The following LMNA variants were observed in gnomAD, a reference collection of about 807,000 sequenced individuals.
LMNA encodes lamin.
In LMNA, 20 loss-of-function variants were observed where a neutral mutation model predicts 70.4. The observed-to-expected ratio is 0.28, with a 90% CI of 0.20 to 0.41. The LOEUF is 0.41. LMNA is among the 10% of genes least tolerant of loss of function. LMNA has a pLI of 1.00. For synonymous variants in LMNA, 339 were observed against 372.8 expected (o/e 0.91, Z 1.04); for missense variants, 652 against 917.2 (o/e 0.71, Z 3.73).
chr1:156,089,127 G>T (rs1342860554), intron 2 of LMNA, among the ~76,000 whole-genome samples: 1 of 152,010 alleles, frequency 6.6e-6, no homozygotes, highest in Middle Eastern at 3.4e-3. Context: ...ACAGGCATGC[G>T]CACCCTGCCT....
chr1:156,126,662 ACT>A (rs1324518996), intron 1 of LMNA: 12 of 1,396,036 alleles, frequency 8.6e-6, no homozygotes, highest in Admixed American at 1.9e-5. Flanking sequence ...GCAAGTGCCA[ACT>A]CTCATTTCTA....
chr1:156,131,350 G>A (rs771072566), intron 2 of LMNA, among the ~76,000 whole-genome samples: 3 of 152,110 alleles, frequency 2.0e-5, no homozygotes, highest in Non-Finnish European at 4.4e-5. Flanking sequence ...CATTTTGGGA[G>A]GCCAAGGAGG....
rs750465247 is a variant in LMNA, at chr1:156,137,273, C to T, written c.1608+41C>T. On this transcript the variant is annotated intron_variant, in intron 9 of 11. Transcript: ENST00000368300. The surrounding 1 kb of genome is among the most constrained non-coding windows in gnomAD (Gnocchi z 4.6). Reference sequence around the variant, plus strand: ...CCTGGCTGCTTGCTGGACGAGGCTCCCCCTGATGGCCAACATCGGAGCCAG... The same window carrying T: ...CCTGGCTGCTTGCTGGACGAGGCTCTCCCTGATGGCCAACATCGGAGCCAG... The T allele has an allele frequency of 3.9e-6, 6 of 1,541,574 alleles. No homozygotes were observed. Among genetic ancestry groups the T allele is most frequent in the East Asian group, 2.4e-5 (1 of 41,314 alleles).
chr1:156,126,450 A>G, intron 1 of LMNA: 1 of 619,930 alleles, frequency 1.6e-6, no homozygotes, highest in South Asian at 1.9e-5. Context: ...CCTGGCTTCC[A>G]TATCTGGCAT....
At chr1:156,130,436 G>A (rs1003319783) in intron 1 of LMNA, among the ~76,000 whole-genome samples, 181 bp from the exon 2 acceptor site, 1 of 149,744 alleles carries the variant, frequency 6.7e-6, no homozygotes, top group African/African-American at 2.5e-5. Flanking sequence ...CAAGGACCTT[G>A]GGGAGGTGGG....
chr1:156,139,482 C>T lies in LMNA; in HGVS notation c.*376C>T. On this transcript the variant is annotated 3_prime_UTR_variant, in exon 12 of 12. Transcript: ENST00000368300. ...TCTGCTTTTCTGCCCTGGCTGCTGC[C>T]CCCACCCCGGGGACCCTGTGACATG... 7.5e-7 allele frequency: 1 copy of T among 1,328,572 alleles called. No individual in the cohort carries two copies. Among genetic ancestry groups the T allele is most frequent in the Non-Finnish European group, 9.6e-7 (1 of 1,041,178 alleles). The allele number at this position is 1,328,572 out of a possible 1,614,324, so 82.3% of individuals were successfully genotyped here. A position where few individuals can be genotyped will look rare whatever the true frequency, so the allele number is the denominator to read the frequency against.
At chr1:156,106,910 T>C (rs1304796062) in intron 3 of LMNA, 1 of 152,360 alleles carries the variant, frequency 6.6e-6, no homozygotes, top group Non-Finnish European at 1.5e-5. Flanking sequence ...TGGTTTGGAA[T>C]GCCGGGAATG....
In LMNA at chr1:156,137,756, C is replaced by A. The variant is rs80338938; in HGVS notation, c.1698+13C>A. Reference sequence around the variant, plus strand: ...CCATCACCACCACGTGAGTGGTAGCCGCCGCTGAGGCCGAGCCTGCACTGG... The same window carrying A: ...CCATCACCACCACGTGAGTGGTAGCAGCCGCTGAGGCCGAGCCTGCACTGG... On this transcript the variant is annotated intron_variant, in intron 10 of 11. Transcript: ENST00000368300. The surrounding 1 kb of genome is among the most constrained non-coding windows in gnomAD (Gnocchi z 4.6). 2.8e-5 allele frequency: 44 copies of A among 1,547,816 alleles called. No individual in the cohort carries two copies. Among genetic ancestry groups the A allele is most frequent in the Non-Finnish European group, 3.5e-5 (40 of 1,146,970 alleles).
In LMNA at chr1:156,134,693, G is replaced by A; in HGVS notation, c.640-112G>A. ...CACTCAGCTCCCAGGTTAAAGTGGGGCTGGTAGTGGCTCATGGAGTAGGGC... is the reference window on the plus strand; with the variant it reads ...CACTCAGCTCCCAGGTTAAAGTGGGACTGGTAGTGGCTCATGGAGTAGGGC... On this transcript the variant is annotated intron_variant, in intron 3 of 11. Transcript: ENST00000368300. The surrounding 1 kb of genome is among the most constrained non-coding windows in gnomAD (Gnocchi z 5.3). 6.5e-7 allele frequency: 1 copy of A among 1,549,552 alleles called. No homozygotes were observed. The highest frequency in any genetic ancestry group is 8.9e-7 in the Non-Finnish European group (1 of 1,124,250).
Position 156,134,265 on chromosome 1 carries a change from A to T in LMNA, c.514-138A>T. 1.2e-6 allele frequency: 1 copy of T among 862,262 alleles called. No homozygotes were observed. Among genetic ancestry groups the T allele is most frequent in the Admixed American group, 2.0e-5 (1 of 49,918 alleles). 53.4% of individuals were successfully genotyped at this position (862,262 alleles called of 1,614,324 possible). ...AGTGAGTAGATGTCCTGACCCCTGC[A>T]GGCATCCAAGGCCCTCCTTCCCTGG... On this transcript the variant is annotated intron_variant, in intron 2 of 11. Coordinates refer to ENST00000368300, the MANE Select transcript of LMNA (RefSeq NM_170707.4). This position sits in a 1 kb window ranked among gnomAD's most constrained non-coding sequence, Gnocchi z 5.3.
chr1:156,107,107 A>C (rs1649377921), intron 3 of LMNA, among the ~76,000 whole-genome samples: 2 of 152,302 alleles, frequency 1.3e-5, no homozygotes, highest in Middle Eastern at 6.8e-3. Context: ...CCTCAGCTGT[A>C]ATATGCAGAT....
At chr1:156,104,699 C>T (rs1479130653) in intron 3 of LMNA, among the ~76,000 whole-genome samples, 3 of 152,236 alleles carry the variant, frequency 2.0e-5, no homozygotes, top group Non-Finnish European at 4.4e-5. Flanking sequence ...GGACCCCAGC[C>T]TGGCAACGGC....
At chr1:156,120,893 G>C (rs1444409674) in intron 1 of LMNA, among the ~76,000 whole-genome samples, 2 of 151,948 alleles carry the variant, frequency 1.3e-5, no homozygotes, top group Admixed American at 1.3e-4. Context: ...ACTTGTCATG[G>C]GAATTGTCCA....
rs757401091 is a variant in LMNA at position 156,135,319 on chromosome 1, C to T, written c.936+7C>T. On this transcript the variant is annotated splice_region_variant and intron_variant, in intron 5 of 11. Coordinates refer to ENST00000368300, the MANE Select transcript of LMNA (RefSeq NM_170707.4). The surrounding 1 kb of genome is among the most constrained non-coding windows in gnomAD (Gnocchi z 4.8). The stretch of plus-strand genomic sequence containing the variant: ...CAGCCAGCTCCAGAAGCAGGTGATA[C>T]CCCACCTCACCCCTCTCTCCAGGGG... 1.1e-5 allele frequency: 18 copies of T among 1,612,352 alleles called. No homozygotes were observed. Among genetic ancestry groups the T allele is most frequent in the Non-Finnish European group, 1.4e-5 (17 of 1,179,598 alleles).
intron 3 of LMNA, among the ~76,000 whole-genome samples, chr1:156,100,402 T>A (rs533387030): frequency 6.6e-6 from 1 of 152,204 alleles, no homozygotes; most frequent in Admixed American, 6.5e-5. Context: ...ATCAGACAAG[T>A]TAGGTCATAG....
At chr1:156,126,245 T>C in intron 1 of LMNA, 1 of 1,507,036 alleles carries the variant, frequency 6.6e-7, no homozygotes. Context: ...TGCTGAGGAG[T>C]GGGTCTAAGG....
At chr1:156,088,278 C>T (rs1176954748) in intron 2 of LMNA, among the ~76,000 whole-genome samples, 2 of 152,128 alleles carry the variant, frequency 1.3e-5, no homozygotes, top group Non-Finnish European at 1.5e-5. Context: ...TGATAGAATG[C>T]ACTCAACACA....
chr1:156,136,153 C>T lies in LMNA; in HGVS notation c.1157+32C>T, dbSNP rs749963652. 6.2e-7 allele frequency: 1 copy of T among 1,613,190 alleles called. No individual in the cohort carries two copies. Among genetic ancestry groups the T allele is most frequent in the Non-Finnish European group, 8.5e-7 (1 of 1,179,522 alleles). On this transcript the variant is annotated intron_variant, in intron 6 of 11. Coordinates refer to ENST00000368300, the MANE Select transcript of LMNA (RefSeq NM_170707.4). The surrounding 1 kb of genome is among the most constrained non-coding windows in gnomAD (Gnocchi z 6.1). ...TGGGGAGACGTCGGGGAGGTGCTGG[C>T]AGTGTCCTCTGGCCGGCAACTGGCC...
chr1:156,137,639 C>A lies in LMNA; in HGVS notation c.1609-15C>A. The A allele has an allele frequency of 6.5e-7, 1 of 1,550,208 alleles. No individual in the cohort carries two copies. The highest frequency in any genetic ancestry group is 1.4e-5 in the African/African-American group (1 of 73,194). On this transcript the variant is annotated splice_polypyrimidine_tract_variant and intron_variant, in intron 9 of 11. Transcript: ENST00000368300. The surrounding 1 kb of genome is among the most constrained non-coding windows in gnomAD (Gnocchi z 4.6). ...CTGGCCCTGACCCTTGGACCTGGTT[C>A]CATGTCCCCACCAGGAAGTGGCCAT...
Sources: gnomAD v4.1 joint callset for allele counts (sites outside exome capture counted in the v4.1 genomes callset) on GRCh38, gnomAD v4.1.1 for gene constraint, Gnocchi (gnomAD v3.1) non-coding constraint, MANE v1.5 for transcripts, NCBI Gene and HGNC (gene_info 2026-07-23, HGNC 2026-07-21) for gene names.